The following GOLGA8O variants were observed in gnomAD, a reference collection of about 807,000 sequenced individuals.
GOLGA8O encodes the protein golgin subfamily A member 8O.
A neutral mutation model predicts 29.7 loss-of-function variants in GOLGA8O; 4 were observed. The observed-to-expected ratio is 0.13, with a 90% CI of 0.07 to 0.31. The LOEUF (loss-of-function observed/expected upper bound fraction) is 0.31, where lower values mean the gene tolerates loss of function less well. Among genes scored for constraint, GOLGA8O ranks in the 10% least tolerant of loss-of-function variants. GOLGA8O has a pLI of 1.00. For synonymous variants in GOLGA8O, 6 were observed against 78.0 expected, an observed-to-expected ratio of 0.08 and a Z score of 4.87; for missense variants, 32 against 216.5, an observed-to-expected ratio of 0.15 and a Z score of 5.35.
chr15:32,451,513 G>A, intron 5 of GOLGA8O, 88 bp downstream of exon 5: 1 of 1,596,424 alleles, frequency 6.3e-7, no homozygotes, highest in East Asian at 2.2e-5. Context: ...TCCCCAAGCT[G>A]GGAGTGGGTG....
chr15:32,450,553 G>GCACACACACACA (rs1566990852), intron 8 of GOLGA8O, among the ~76,000 whole-genome samples: 4 of 76,022 alleles, frequency 5.3e-5, no homozygotes, highest in Admixed American at 1.3e-4. Flanking sequence ...ACACACACAT[G>GCACACACACACA]CACGCGTTTC....
intron 8 of GOLGA8O, among the ~76,000 whole-genome samples, chr15:32,450,550 C>CACACAT (rs1481837738): frequency 1.4e-5 from 2 of 139,042 alleles, no homozygotes; most frequent in African/African-American, 5.4e-5. Context: ...CACACACACA[C>CACACAT]ATGCACGCGT....
rs1360452017 is a variant in GOLGA8O, at chr15:32,444,229, AG to A, written c.*876del. 7.9e-6 allele frequency among the ~76,000 whole-genome samples: 1 copy of A among 127,046 alleles called. No homozygotes were observed. The highest frequency in any genetic ancestry group is 2.7e-5 in the African/African-American group (1 of 37,180). 83.3% of individuals were successfully genotyped at this position (127,046 alleles called of 152,430 possible). Reference sequence around the variant, plus strand: ...ATTGTAGATACAAATGCTCTAAGCTAGGAAAGGTTTTCCACATCCACAGTCA... The same window carrying A: ...ATTGTAGATACAAATGCTCTAAGCTAGAAAGGTTTTCCACATCCACAGTCA... On this transcript the variant is annotated 3_prime_UTR_variant, in exon 19 of 19. Transcript: ENST00000509311.
Position 32,452,786 on chromosome 15 carries a change from G to A in GOLGA8O, c.195C>T (p.Gly65=). The A allele has an allele frequency of 4.6e-6, 1 of 217,856 alleles. No homozygotes were observed. The highest frequency in any genetic ancestry group is 3.1e-5 in the South Asian group (1 of 32,606). The allele number at this position is 217,856 out of a possible 1,614,324, so 13.5% of individuals were successfully genotyped here. A position where few individuals can be genotyped will look rare whatever the true frequency, so the allele number is the denominator to read the frequency against. Reference sequence around the variant, plus strand: ...CTTTCAGGGTAGCAGATGATGTAGGGCCTTCCCTGTGGAAACCTGTTGCTG... The same window carrying A: ...CTTTCAGGGTAGCAGATGATGTAGGACCTTCCCTGTGGAAACCTGTTGCTG... The part of the protein sequence containing the change: ...GDSATGFHRE[G]PTSSATLKDL... The change falls in exon 3 of 19, where the codon GGC becomes GGT. Residue 65 remains glycine (G), a synonymous_variant. Coordinates refer to ENST00000509311, the MANE Select transcript of GOLGA8O (RefSeq NM_001277308.1).
the GOLGA8O span, among the ~76,000 whole-genome samples, chr15:32,460,696 C>G: frequency 1.0e-5 from 1 of 98,246 alleles, no homozygotes; most frequent in Non-Finnish European, 2.1e-5. Flanking sequence ...CACGCGCACA[C>G]ACACACACAC....
intron 8 of GOLGA8O, among the ~76,000 whole-genome samples, chr15:32,450,520 C>CACAG (rs543590988): frequency 7.1e-6 from 1 of 140,436 alleles, no homozygotes; most frequent in Non-Finnish European, 1.6e-5. Flanking sequence ...ACAGTATGTA[C>CACAG]ACACACACAC....
rs1294076185 is a variant in GOLGA8O at position 32,451,526 on chromosome 15, A to T, written c.348+75T>A. Reference sequence around the variant, plus strand: ...CTTCCCCAAGCTGGGAGTGGGTGAGACGAGACTGGGGCCTGTATGTCTGAG... The same window carrying T: ...CTTCCCCAAGCTGGGAGTGGGTGAGTCGAGACTGGGGCCTGTATGTCTGAG... On this transcript the variant is annotated intron_variant, in intron 5 of 18. Coordinates refer to ENST00000509311, the MANE Select transcript of GOLGA8O (RefSeq NM_001277308.1). 9 of 1,597,302 alleles carry T rather than the reference A, an allele frequency of 5.6e-6. 1 individual carries two copies. The highest frequency in any genetic ancestry group is 4.5e-5 in the East Asian group (2 of 44,714).
At chr15:32,460,687 A>ACGCG in the GOLGA8O span, among the ~76,000 whole-genome samples, 17 of 97,784 alleles carry the variant, frequency 1.7e-4, no homozygotes, top group African/African-American at 7.7e-4. Context: ...TAAAATACAC[A>ACGCG]CGCGCACACA....
chr15:32,459,330 C>A, upstream of GOLGA8O, among the ~76,000 whole-genome samples: 1 of 105,164 alleles, frequency 9.5e-6, no homozygotes, highest in Non-Finnish European at 2.1e-5. Flanking sequence ...TGATAAGCAA[C>A]ATAGAATAGA....
chr15:32,458,484 T>C (rs1272817852), upstream of GOLGA8O, among the ~76,000 whole-genome samples: 52 of 106,228 alleles, frequency 4.9e-4, 2 homozygotes, highest in South Asian at 1.0e-3. Flanking sequence ...GGAGTAGTCA[T>C]CCAGCCATCA....
At chr15:32,450,664 G>A (rs1348369143) in intron 8 of GOLGA8O, among the ~76,000 whole-genome samples, 1 of 152,092 alleles carries the variant, frequency 6.6e-6, no homozygotes, top group African/African-American at 2.4e-5. Flanking sequence ...ACCACAGCCA[G>A]GTAAGGGCGG....
At chr15:32,460,709 GCA>G in the GOLGA8O span, among the ~76,000 whole-genome samples, 241 of 91,926 alleles carry the variant, frequency 2.6e-3, 9 homozygotes, top group Non-Finnish European at 4.2e-3. Context: ...ACACACACAC[GCA>G]CACACACACA....
At position 32,451,166 on chromosome 15, in the gene GOLGA8O, G is replaced by C. The variant is rs2055124453; in HGVS notation, c.433C>G (p.Leu145Val). The change falls in exon 7 of 19, where the codon CTA becomes GTA. Residue 145 changes from leucine (L) to valine (V), a missense_variant. Transcript: ENST00000509311. ...TCCATGTGGTACAGGTCCGTATTTA[G>C]TTCCTCTTTCTGTATGATCAATGTC... ...IQTLIIQKEE[L>V]NTDLYHMERS... The C allele has an allele frequency of 7.9e-6, 8 of 1,013,136 alleles. No homozygotes were observed. In the East Asian group the frequency reaches 1.7e-4, roughly 22 times the overall value. The allele number at this position is 1,013,136 out of a possible 1,614,324, so 62.8% of individuals were successfully genotyped here.
chr15:32,446,427 CCA>C, intron 15 of GOLGA8O, 45 bp downstream of exon 15: 1 of 1,537,348 alleles, frequency 6.5e-7, no homozygotes. Context: ...CTTGGAGGGA[CCA>C]CAGAGAAAGG....
At chr15:32,450,739 C>G in intron 8 of GOLGA8O, among the ~76,000 whole-genome samples, 174 bp downstream of exon 8, 1 of 152,034 alleles carries the variant, frequency 6.6e-6, no homozygotes, top group Admixed American at 6.6e-5. Flanking sequence ...CCCAACTCAC[C>G]CACAGCAGCT....
chr15:32,445,710 AT>A lies in GOLGA8O; in HGVS notation c.1474del (p.Ile492SerfsTer88). Reference sequence around the variant, plus strand: ...CCCTGGTTCTGATAAAAGGTGATGGATTTTCCTGCGGGAGGACAGGGCTCAG... The same window carrying A: ...CCCTGGTTCTGATAAAAGGTGATGGATTTCCTGCGGGAGGACAGGGCTCAG... ...QYWQERCHQK[I>X]HHLLSEPGGR... On this transcript the variant is annotated frameshift_variant, in exon 17 of 19. Coordinates refer to ENST00000509311, the MANE Select transcript of GOLGA8O (RefSeq NM_001277308.1). LOFTEE classifies it high-confidence loss of function. 1 of 775,526 alleles carries A rather than the reference AT, an allele frequency of 1.3e-6. No homozygotes were observed. The highest frequency in any genetic ancestry group is 1.8e-6 in the Non-Finnish European group (1 of 560,128). 48.0% of individuals were successfully genotyped at this position (775,526 alleles called of 1,614,324 possible).
At chr15:32,450,551 A>G (rs1230485956) in intron 8 of GOLGA8O, among the ~76,000 whole-genome samples, 3 of 129,806 alleles carry the variant, frequency 2.3e-5, no homozygotes, top group African/African-American at 8.8e-5. Context: ...ACACACACAC[A>G]TGCACGCGTT....
chr15:32,450,553 G>A lies in GOLGA8O; in HGVS notation c.591+360C>T, dbSNP rs1196001760. Reference sequence around the variant, plus strand: ...CACACACACACACACACACACACATGCACGCGTTTCCTCTTTCTACAGAAA... The same window carrying A: ...CACACACACACACACACACACACATACACGCGTTTCCTCTTTCTACAGAAA... On this transcript the variant is annotated intron_variant, in intron 8 of 18. Coordinates refer to ENST00000509311, the MANE Select transcript of GOLGA8O (RefSeq NM_001277308.1). Among the ~76,000 whole-genome samples the A allele has an allele frequency of 7.1e-3, 538 of 75,872 alleles. 3 individuals are homozygous for A. The highest frequency in any genetic ancestry group is 0.038 in the East Asian group (81 of 2,134). The allele number at this position is 75,872 out of a possible 152,430, so 49.8% of individuals were successfully genotyped here. A position where few individuals can be genotyped will look rare whatever the true frequency, so the allele number is the denominator to read the frequency against.
rs1282095838 is a variant in GOLGA8O, at chr15:32,442,199, AT to A, written c.*2906del. On this transcript the variant is annotated 3_prime_UTR_variant, in exon 19 of 19. Transcript: ENST00000509311. ...TTCAGAACATTAAGATAGCAGTTACATTTTTTAATAGTTATATTATTTTAAA... is the reference window on the plus strand; with the variant it reads ...TTCAGAACATTAAGATAGCAGTTACATTTTTAATAGTTATATTATTTTAAA... Among the ~76,000 whole-genome samples, 2 of 87,290 alleles carry A rather than the reference AT, an allele frequency of 2.3e-5. 1 individual carries two copies. Among genetic ancestry groups the A allele is most frequent in the Non-Finnish European group, 4.8e-5 (2 of 41,988 alleles). 57.3% of individuals were successfully genotyped at this position (87,290 alleles called of 152,430 possible). A position where few individuals can be genotyped will look rare whatever the true frequency, so the allele number is the denominator to read the frequency against.
Sources: gnomAD v4.1 joint callset for allele counts (sites outside exome capture counted in the v4.1 genomes callset) on GRCh38, gnomAD v4.1.1 for gene constraint, MANE v1.5 for transcripts, NCBI Gene and HGNC (gene_info 2026-07-23, HGNC 2026-07-21) for gene names.